The following VPS13B variants were observed in gnomAD, a reference collection of about 807,000 sequenced individuals.
The protein encoded by VPS13B is vacuolar protein sorting 13 homolog B.
VPS13B carries 285 observed loss-of-function variants against 426.4 expected under a neutral mutation model. The observed-to-expected ratio is 0.67, with a 90% CI of 0.61 to 0.74. The LOEUF is 0.74. Ranked by LOEUF, VPS13B falls within the 30% of genes least tolerant of loss-of-function variation. VPS13B has a pLI of 0.00. For synonymous variants in VPS13B, 1,676 were observed against 1,676.4 expected (o/e 1.00, Z 0.01); for missense variants, 4,537 against 4,782.6 (o/e 0.95, Z 1.51).
At chr8:99,491,237 G>T (rs987233273) in intron 25 of VPS13B, among the ~76,000 whole-genome samples, 1 of 152,172 alleles carries the variant, frequency 6.6e-6, no homozygotes, top group Non-Finnish European at 1.5e-5. Flanking sequence ...TCCGCTGTTA[G>T]TCTGATGGGC....
At position 99,242,914 on chromosome 8, in the gene VPS13B, G is replaced by A. The variant is rs190441563; in HGVS notation, c.2516-31284G>A. Among the ~76,000 whole-genome samples, 560 of 152,196 alleles carry A rather than the reference G, an allele frequency of 3.7e-3. 3 individuals are homozygous for A. The highest frequency in any genetic ancestry group is 0.013 in the African/African-American group (531 of 41,540). On this transcript the variant is annotated intron_variant, in intron 17 of 61. Coordinates refer to ENST00000357162, the MANE Select transcript of VPS13B (RefSeq NM_152564.5). ...TGATGCCTTTTTTTGTCATAAAAGG[G>A]ATGTATATTTGCCATTTTATCTAGC... is the stretch of plus-strand genomic sequence containing the variant.
intron 24 of VPS13B, among the ~76,000 whole-genome samples, chr8:99,472,875 T>C (rs915627220): frequency 2.6e-5 from 4 of 151,736 alleles, no homozygotes; most frequent in Non-Finnish European, 5.9e-5. Context: ...AATAAGAAAA[T>C]AATGAACAAC....
chr8:99,309,743 G>A (rs529022576), intron 19 of VPS13B, among the ~76,000 whole-genome samples: 70 of 152,134 alleles, frequency 4.6e-4, no homozygotes, highest in African/African-American at 1.6e-3. Context: ...CTTGATGGGG[G>A]TGGCATTGAA....
At chr8:99,396,832 A>G (rs1274330353) in intron 21 of VPS13B, among the ~76,000 whole-genome samples, 1 of 152,204 alleles carries the variant, frequency 6.6e-6, no homozygotes, top group African/African-American at 2.4e-5. Context: ...ATGAGACTCA[A>G]AAGTGAAACA....
In VPS13B at chr8:99,511,100, A is replaced by G; in HGVS notation, c.4225-4A>G. On this transcript the variant is annotated splice_region_variant and splice_polypyrimidine_tract_variant and intron_variant, in intron 28 of 61. Transcript: ENST00000357162. The stretch of plus-strand genomic sequence containing the variant: ...TGTATTGTGATTTCCTTTTTTTGGA[A>G]CAGACAACTACAAAACTTCTAGATG... 1.2e-6 allele frequency: 2 copies of G among 1,611,948 alleles called. No individual in the cohort carries two copies. Among genetic ancestry groups the G allele is most frequent in the South Asian group, 1.1e-5 (1 of 91,086 alleles).
At chr8:99,246,962 G>T (rs1199663002) in intron 17 of VPS13B, among the ~76,000 whole-genome samples, 2 of 152,178 alleles carry the variant, frequency 1.3e-5, no homozygotes, top group Non-Finnish European at 2.9e-5. Flanking sequence ...AGATATTTTT[G>T]ATTACCTTTC....
At chr8:99,392,310 T>C (rs770412984) in intron 21 of VPS13B, among the ~76,000 whole-genome samples, 1 of 152,096 alleles carries the variant, frequency 6.6e-6, no homozygotes, top group African/African-American at 2.4e-5. Context: ...TTATTTCCTT[T>C]TGTGTAATAA....
At chr8:99,168,290 C>T (rs1469289335) in intron 15 of VPS13B, among the ~76,000 whole-genome samples, 1 of 152,050 alleles carries the variant, frequency 6.6e-6, no homozygotes, top group Non-Finnish European at 1.5e-5. Flanking sequence ...TATGTAGTTT[C>T]CCCAAAGCCC....
At chr8:99,677,405 C>A (rs1458400529) in intron 35 of VPS13B, among the ~76,000 whole-genome samples, 1 of 152,068 alleles carries the variant, frequency 6.6e-6, no homozygotes, top group Non-Finnish European at 1.5e-5. Context: ...AGTGTCAGTG[C>A]TATATTATCA....
intron 19 of VPS13B, among the ~76,000 whole-genome samples, chr8:99,383,643 G>C (rs1439747684): frequency 6.6e-6 from 1 of 152,052 alleles, no homozygotes; most frequent in South Asian, 2.1e-4. Flanking sequence ...ACAGGCCCTG[G>C]TAACCACAAA....
intron 39 of VPS13B, among the ~76,000 whole-genome samples, chr8:99,727,844 G>C (rs555473705): frequency 2.6e-5 from 4 of 152,326 alleles, no homozygotes; most frequent in Middle Eastern, 3.4e-3. Flanking sequence ...ATATTTGTTG[G>C]AATAGATCTT....
chr8:99,593,575 A>G (rs866842057), intron 33 of VPS13B, among the ~76,000 whole-genome samples: 1 of 152,298 alleles, frequency 6.6e-6, no homozygotes, highest in Middle Eastern at 3.4e-3. Flanking sequence ...CCAAAGGAAT[A>G]TAAATCCTTC....
chr8:99,050,982 T>C (rs565550692), intron 3 of VPS13B, among the ~76,000 whole-genome samples: 30 of 152,242 alleles, frequency 2.0e-4, no homozygotes, highest in South Asian at 1.9e-3. Flanking sequence ...CTGTAGGTTG[T>C]CTGTTCACTC....
chr8:99,383,297 G>A (rs1813930514), intron 19 of VPS13B, among the ~76,000 whole-genome samples: 1 of 151,850 alleles, frequency 6.6e-6, no homozygotes, highest in Admixed American at 6.6e-5. Context: ...AATTTTTAAT[G>A]ATTTTTTGAA....
intron 17 of VPS13B, among the ~76,000 whole-genome samples, chr8:99,262,286 T>C (rs1392884721): frequency 6.6e-6 from 1 of 152,218 alleles, no homozygotes; most frequent in Non-Finnish European, 1.5e-5. Flanking sequence ...ATATTTTGAC[T>C]TAACCCTAGA....
At chr8:99,372,122 G>C (rs1311760236) in intron 19 of VPS13B, among the ~76,000 whole-genome samples, 1 of 151,440 alleles carries the variant, frequency 6.6e-6, no homozygotes, top group African/African-American at 2.4e-5. Context: ...GAGGTGGCGG[G>C]CGCCTGTAGT....
intron 7 of VPS13B, among the ~76,000 whole-genome samples, chr8:99,116,422 G>A (rs1260606256): frequency 6.6e-6 from 1 of 151,904 alleles, no homozygotes; most frequent in African/African-American, 2.4e-5. Flanking sequence ...ATAGATATAA[G>A]TGTTCAGAAT....
At chr8:99,818,969 C>CGGGGGGG in intron 47 of VPS13B, 81 bp downstream of exon 47, 1 of 78,694 alleles carries the variant, frequency 1.3e-5, no homozygotes, top group Non-Finnish European at 2.5e-5. Flanking sequence ...TGGGGGGCGG[C>CGGGGGGG]GGGGGAGGGG....
intron 19 of VPS13B, among the ~76,000 whole-genome samples, chr8:99,283,302 C>A (rs1819263960): frequency 6.6e-6 from 1 of 152,046 alleles, no homozygotes; most frequent in Admixed American, 6.6e-5. Context: ...AAAAATTATA[C>A]CCATCTATCT....
Sources: gnomAD v4.1 joint callset for allele counts (sites outside exome capture counted in the v4.1 genomes callset) on GRCh38, gnomAD v4.1.1 for gene constraint, MANE v1.5 for transcripts, NCBI Gene and HGNC (gene_info 2026-07-23, HGNC 2026-07-21) for gene names.